The following SLC44A5 variants were observed in gnomAD, a reference collection of about 807,000 sequenced individuals.
The protein encoded by SLC44A5 is solute carrier family 44 member 5, also known as choline transporter-like protein 5.
Under a neutral mutation model 101.8 loss-of-function variants are expected in SLC44A5, and 57 were observed. That is an observed-to-expected ratio of 0.56 (90% CI 0.45 to 0.70). The LOEUF is 0.70. Ranked by LOEUF, SLC44A5 falls within the 30% of genes least tolerant of loss-of-function variation. The probability of loss-of-function intolerance (pLI) is 0.00; values close to 1 mark genes in which losing one functional copy is unlikely to be tolerated. For missense variants in SLC44A5, 737 were observed against 853.1 expected (o/e 0.86, Z 1.70); for synonymous variants, 281 against 290.9 (o/e 0.97, Z 0.35).
At chr1:75,666,790 G>A in the SLC44A5 span, among the ~76,000 whole-genome samples, 2 of 152,074 alleles carry the variant, frequency 1.3e-5, no homozygotes, top group African/African-American at 2.4e-5. Context: ...ACATACACAA[G>A]TCAATAAATG....
At position 75,213,576 on chromosome 1, in the gene SLC44A5, T is replaced by G. The variant is rs1646901112; in HGVS notation, c.1962+129A>C. Reference sequence around the variant, plus strand: ...AGAGGACCCTCACCAGAAATCAAGTTGGCTGACACCTTGATCTTGGACTTC... The same window carrying G: ...AGAGGACCCTCACCAGAAATCAAGTGGGCTGACACCTTGATCTTGGACTTC... On this transcript the variant is annotated intron_variant, in intron 22 of 23. Coordinates refer to ENST00000370859, the MANE Select transcript of SLC44A5 (RefSeq NM_001130058.2). 8.8e-6 allele frequency: 6 copies of G among 685,002 alleles called. No individual in the cohort carries two copies. The South Asian group carries it at 1.1e-4, about 13-fold the overall frequency. 42.4% of individuals were successfully genotyped at this position (685,002 alleles called of 1,614,324 possible).
chr1:75,522,620 G>C (rs1445249636), intron 2 of SLC44A5, among the ~76,000 whole-genome samples: 1 of 151,962 alleles, frequency 6.6e-6, no homozygotes, highest in Admixed American at 6.6e-5. Flanking sequence ...GTCCTCTCCC[G>C]ACTCTTTAGT....
chr1:75,222,001 C>T (rs1195403728), intron 14 of SLC44A5, among the ~76,000 whole-genome samples: 7 of 150,368 alleles, frequency 4.7e-5, no homozygotes, highest in Admixed American at 4.0e-4. Flanking sequence ...CTCTTGTTGC[C>T]CAGGCTGGAG....
chr1:75,206,156 T>A (rs1370886075), intron 23 of SLC44A5: 1 of 158,336 alleles, frequency 6.3e-6, no homozygotes, highest in East Asian at 1.9e-4. Flanking sequence ...TTGAACAGTA[T>A]AAATATAACC....
At chr1:75,385,974 T>C (rs529461857) in intron 3 of SLC44A5, among the ~76,000 whole-genome samples, 272 of 152,250 alleles carry the variant, frequency 1.8e-3, no homozygotes, top group African/African-American at 6.1e-3. Context: ...ATTATCTCAA[T>C]AGATGCAGAA....
chr1:75,266,381 T>A (rs1451164022), intron 6 of SLC44A5, among the ~76,000 whole-genome samples: 1 of 149,242 alleles, frequency 6.7e-6, no homozygotes, highest in Admixed American at 6.7e-5. Flanking sequence ...AAACATGTAA[T>A]GATACTTTTA....
chr1:75,480,691 T>C (rs1373289128), intron 2 of SLC44A5, among the ~76,000 whole-genome samples: 1 of 151,866 alleles, frequency 6.6e-6, no homozygotes, highest in African/African-American at 2.4e-5. Flanking sequence ...GAATCCACCT[T>C]ACAAGGGATG....
intron 7 of SLC44A5, among the ~76,000 whole-genome samples, chr1:75,245,212 T>G (rs571264721): frequency 1.4e-4 from 21 of 152,268 alleles, no homozygotes; most frequent in African/African-American, 5.0e-4. Context: ...GTATTTCCTC[T>G]TTCTTAGTCT....
intron 5 of SLC44A5, among the ~76,000 whole-genome samples, chr1:75,284,971 TTG>T (rs1288790983): frequency 2.0e-5 from 3 of 152,052 alleles, no homozygotes; most frequent in African/African-American, 4.8e-5. Context: ...TATAGATTTT[TTG>T]TGTGTGTTAT....
At chr1:75,390,253 T>C (rs1227693042) in intron 3 of SLC44A5, among the ~76,000 whole-genome samples, 1 of 152,006 alleles carries the variant, frequency 6.6e-6, no homozygotes, top group Non-Finnish European at 1.5e-5. Flanking sequence ...GTACCAATCT[T>C]ACTGAAACTA....
At chr1:75,222,605 G>A (rs1393696637) in intron 13 of SLC44A5, 145 bp from the exon 14 acceptor site, 3 of 550,116 alleles carry the variant, frequency 5.5e-6, no homozygotes, top group Admixed American at 6.3e-5. Flanking sequence ...CTCCAAAAAT[G>A]CCAATCTTCG....
chr1:75,415,858 G>T (rs1663607845), intron 2 of SLC44A5, among the ~76,000 whole-genome samples: 1 of 152,184 alleles, frequency 6.6e-6, no homozygotes, highest in South Asian at 2.1e-4. Context: ...GAACTTGAGA[G>T]TGATGATTTA....
the SLC44A5 span, among the ~76,000 whole-genome samples, chr1:75,634,630 A>T: frequency 6.6e-6 from 1 of 151,388 alleles, no homozygotes; most frequent in South Asian, 2.1e-4. Context: ...CTGAAACTGG[A>T]TCCCTTCCTT....
At chr1:75,614,336 C>T (rs1675776769), upstream of SLC44A5, among the ~76,000 whole-genome samples, 1 of 152,134 alleles carries the variant, frequency 6.6e-6, no homozygotes, top group Non-Finnish European at 1.5e-5. Context: ...TCTAATTTTA[C>T]AGGAGCTATA....
intron 1 of SLC44A5, among the ~76,000 whole-genome samples, chr1:75,558,518 C>T (rs556869151): frequency 6.6e-6 from 1 of 152,170 alleles, no homozygotes; most frequent in Admixed American, 6.6e-5. Flanking sequence ...CCATTCCACT[C>T]AGAGAAGAGG....
At chr1:75,396,693 T>G in intron 2 of SLC44A5, 72 bp from the exon 3 acceptor site, 2 of 1,158,736 alleles carry the variant, frequency 1.7e-6, no homozygotes, top group Non-Finnish European at 2.6e-6. Context: ...TACACATCTC[T>G]CCTTATCCTA....
At chr1:75,297,012 G>T (rs1033282951) in intron 5 of SLC44A5, among the ~76,000 whole-genome samples, 1 of 152,142 alleles carries the variant, frequency 6.6e-6, no homozygotes, top group African/African-American at 2.4e-5. Context: ...GCCCAGCTGA[G>T]CCTGTTGGCC....
chr1:75,659,426 T>TGGGAGGGAGGGAGGGA, the SLC44A5 span, among the ~76,000 whole-genome samples: 1 of 43,802 alleles, frequency 2.3e-5, no homozygotes, highest in African/African-American at 8.3e-5. Flanking sequence ...AGAGGGAGGG[T>TGGGAGGGAGGGAGGGA]GGGAGGGAGG....
chr1:75,328,516 C>T (rs1570687860), intron 4 of SLC44A5, among the ~76,000 whole-genome samples: 1 of 152,230 alleles, frequency 6.6e-6, no homozygotes, highest in East Asian at 1.9e-4. Context: ...AGAAACTGGA[C>T]ACCATGTATG....
Sources: gnomAD v4.1 joint callset for allele counts (sites outside exome capture counted in the v4.1 genomes callset) on GRCh38, gnomAD v4.1.1 for gene constraint, MANE v1.5 for transcripts, NCBI Gene and HGNC (gene_info 2026-07-23, HGNC 2026-07-21) for gene names.